Variants in NRG1 observed in about 807,000 individuals in gnomAD.
NRG1 encodes the protein pro-neuregulin-1, membrane-bound isoform.
Under a neutral mutation model 63.8 loss-of-function variants are expected in NRG1, and 18 were observed. That is an observed-to-expected ratio of 0.28 (90% CI 0.19 to 0.42). The LOEUF (loss-of-function observed/expected upper bound fraction) is 0.42, where lower values mean the gene tolerates loss of function less well. NRG1 is among the 10% of genes least tolerant of loss of function. The pLI is 1.00. For missense variants in NRG1, 762 were observed against 814.7 expected, an observed-to-expected ratio of 0.94 and a Z score of 0.79; for synonymous variants, 302 against 301.3, an observed-to-expected ratio of 1.00 and a Z score of -0.02.
At chr8:31,776,029 G>T (rs1819099116) in intron 1 of NRG1, among the ~76,000 whole-genome samples, 1 of 152,012 alleles carries the variant, frequency 6.6e-6, no homozygotes, top group Non-Finnish European at 1.5e-5. Context: ...TTTGTTAGGA[G>T]CACTAAATGA....
At chr8:32,527,341 A>G (rs1464982879) in intron 1 of NRG1, among the ~76,000 whole-genome samples, 1 of 152,178 alleles carries the variant, frequency 6.6e-6, no homozygotes, top group Non-Finnish European at 1.5e-5. Flanking sequence ...GCCATAAAAA[A>G]TAAAATCATG....
At chr8:31,951,968 T>C (rs1352309323) in intron 1 of NRG1, among the ~76,000 whole-genome samples, 1 of 152,184 alleles carries the variant, frequency 6.6e-6, no homozygotes, top group Non-Finnish European at 1.5e-5. Context: ...GACTTTTGAT[T>C]GAATCAGGAT....
chr8:32,237,578 T>A (rs1000765559), intron 1 of NRG1, among the ~76,000 whole-genome samples: 2 of 152,122 alleles, frequency 1.3e-5, no homozygotes, highest in African/African-American at 4.8e-5. Flanking sequence ...TAGAAGGTGA[T>A]TGTGTTTTCC....
At position 32,487,024 on chromosome 8, in the gene NRG1, A is replaced by G. The variant is rs149406639; in HGVS notation, c.38-108804A>G. ...ATACATGTTACTGAAGTGAATATGA[A>G]AAATCCAGAGTAAGCAAATAAATCA... On this transcript the variant is annotated intron_variant, in intron 1 of 10. Transcript: ENST00000519301. Among the ~76,000 whole-genome samples the G allele has an allele frequency of 6.1e-4, 93 of 152,314 alleles. 1 individual carries two copies. In the South Asian group the frequency reaches 8.7e-3, roughly 14 times the overall value.
intron 1 of NRG1, among the ~76,000 whole-genome samples, chr8:32,157,619 A>G (rs1279934706): frequency 6.6e-6 from 1 of 151,296 alleles, no homozygotes; most frequent in African/African-American, 2.4e-5. Context: ...AGATTGTGCC[A>G]TTGCATAATG....
At chr8:31,926,836 ACTT>A (rs1834396374) in intron 1 of NRG1, among the ~76,000 whole-genome samples, 2 of 152,056 alleles carry the variant, frequency 1.3e-5, no homozygotes, top group Admixed American at 1.3e-4. Context: ...TCATCACTGT[ACTT>A]CTTGTTAGCT....
chr8:31,943,242 A>T (rs1323313954), intron 1 of NRG1, among the ~76,000 whole-genome samples: 2 of 152,166 alleles, frequency 1.3e-5, no homozygotes, highest in Non-Finnish European at 2.9e-5. Flanking sequence ...AGCAACCTGG[A>T]TGGAATTGGA....
rs992445518 is a variant in NRG1, at chr8:32,732,506, A to T, written c.632+4428A>T. Among the ~76,000 whole-genome samples the T allele has an allele frequency of 3.9e-5, 6 of 152,074 alleles. No homozygotes were observed. The South Asian group carries it at 1.2e-3, about 31-fold the overall frequency. On this transcript the variant is annotated intron_variant, in intron 6 of 11. Coordinates refer to ENST00000356819, the Ensembl canonical transcript of NRG1. ...AGTGGACAGATGTGCCTTCATCTGG[A>T]GGGGATTAGAGTTTTAAACTACCAA...
chr8:32,450,784 C>G (rs891921240), intron 1 of NRG1, among the ~76,000 whole-genome samples: 1 of 152,044 alleles, frequency 6.6e-6, no homozygotes, highest in African/African-American at 2.4e-5. Flanking sequence ...TCTCTTAAAC[C>G]TTTGTTTTAA....
intron 1 of NRG1, among the ~76,000 whole-genome samples, chr8:31,681,917 T>C (rs1808379432): frequency 1.3e-5 from 2 of 152,088 alleles, no homozygotes; most frequent in South Asian, 4.1e-4. Flanking sequence ...AACACAATTG[T>C]GTATTTGCTG....
intron 1 of NRG1, among the ~76,000 whole-genome samples, chr8:31,729,993 G>A (rs1327091193): frequency 6.6e-6 from 1 of 152,064 alleles, no homozygotes; most frequent in East Asian, 1.9e-4. Flanking sequence ...GGAGTATAGG[G>A]TAATCAAGAA....
chr8:32,488,231 A>G (rs567200341), intron 1 of NRG1, among the ~76,000 whole-genome samples: 1 of 152,304 alleles, frequency 6.6e-6, no homozygotes, highest in African/African-American at 2.4e-5. Context: ...TGATTTCATT[A>G]CTTTTAGCAT....
At chr8:32,672,051 CTT>C (rs35596033) in intron 5 of NRG1, among the ~76,000 whole-genome samples, 137 of 145,168 alleles carry the variant, frequency 9.4e-4, no homozygotes, top group Middle Eastern at 3.5e-3. Context: ...TCATCTCCTA[CTT>C]TTTTTTTTTT....
chr8:31,715,529 A>C (rs1416553570), intron 1 of NRG1, among the ~76,000 whole-genome samples: 1 of 152,240 alleles, frequency 6.6e-6, no homozygotes, highest in Non-Finnish European at 1.5e-5. Context: ...CAAAGAAATA[A>C]TTAAATGTAT....
intron 1 of NRG1, among the ~76,000 whole-genome samples, chr8:32,375,147 T>C (rs1044742705): frequency 1.0e-4 from 4 of 38,948 alleles, no homozygotes; most frequent in Admixed American, 5.1e-4. Flanking sequence ...CACACCTGGA[T>C]ATAGTTTTTT....
At chr8:31,860,428 A>G (rs1033554670) in intron 1 of NRG1, among the ~76,000 whole-genome samples, 4 of 152,224 alleles carry the variant, frequency 2.6e-5, no homozygotes. Context: ...GTGGGCATTT[A>G]GTCGTGAAAG....
At chr8:32,735,805 C>G (rs553843665) in intron 6 of NRG1, among the ~76,000 whole-genome samples, 1 of 152,294 alleles carries the variant, frequency 6.6e-6, no homozygotes, top group Admixed American at 6.5e-5. Context: ...CACCAAGGTT[C>G]AAACAAGAAG....
chr8:32,107,841 G>A (rs1831475065), intron 1 of NRG1, among the ~76,000 whole-genome samples: 1 of 152,058 alleles, frequency 6.6e-6, no homozygotes. Flanking sequence ...ACAACCTGAA[G>A]GCTCTTTTGA....
At chr8:32,621,448 A>C (rs1267858333) in intron 5 of NRG1, among the ~76,000 whole-genome samples, 2 of 152,202 alleles carry the variant, frequency 1.3e-5, no homozygotes, top group South Asian at 4.1e-4. Context: ...TGTTTGGAAC[A>C]AGCCTTAATG....
Sources: gnomAD v4.1 joint callset for allele counts (sites outside exome capture counted in the v4.1 genomes callset) on GRCh38, gnomAD v4.1.1 for gene constraint, MANE v1.5 for transcripts, NCBI Gene and HGNC (gene_info 2026-07-23, HGNC 2026-07-21) for gene names.